ENTREP2: variants seen among roughly 807,000 people sequenced by gnomAD.
ENTREP2 encodes protein ENTREP2.
the ENTREP2 span, among the ~76,000 whole-genome samples, chr15:29,383,407 C>T: frequency 1.3e-5 from 2 of 152,194 alleles, no homozygotes; most frequent in Non-Finnish European, 2.9e-5. Context: ...CCCCCATGTC[C>T]AACCAGGGAG....
At chr15:29,132,189 G>A in the ENTREP2 span, among the ~76,000 whole-genome samples, 2 of 152,192 alleles carry the variant, frequency 1.3e-5, no homozygotes, top group East Asian at 1.9e-4. Context: ...ACCCTGCCTC[G>A]CCCGGGCTGC....
At chr15:29,232,315 A>G in the ENTREP2 span, among the ~76,000 whole-genome samples, 13 of 152,232 alleles carry the variant, frequency 8.5e-5, no homozygotes, top group Admixed American at 8.5e-4. Context: ...AATAAGTACT[A>G]CAGCAATATT....
At chr15:29,303,743 G>A in the ENTREP2 span, among the ~76,000 whole-genome samples, 1 of 151,752 alleles carries the variant, frequency 6.6e-6, no homozygotes, top group Non-Finnish European at 1.5e-5. Flanking sequence ...AGAACATGTG[G>A]TATTTGGTTT....
the ENTREP2 span, among the ~76,000 whole-genome samples, chr15:29,410,691 G>A: frequency 6.6e-6 from 1 of 152,146 alleles, no homozygotes; most frequent in Non-Finnish European, 1.5e-5. Flanking sequence ...GAACATTCAC[G>A]TTCCTAAGAT....
the ENTREP2 span, among the ~76,000 whole-genome samples, chr15:29,292,360 CT>C: frequency 1.4e-5 from 2 of 147,962 alleles, no homozygotes; most frequent in Non-Finnish European, 3.0e-5. Flanking sequence ...TCCTTCCTTC[CT>C]TCCTTCTTTC....
chr15:29,595,661 CTCT>C, the ENTREP2 span, among the ~76,000 whole-genome samples: 1 of 152,084 alleles, frequency 6.6e-6, no homozygotes, highest in Non-Finnish European at 1.5e-5. Flanking sequence ...TCGGGTTTGT[CTCT>C]TCTTCACTGT....
At chr15:29,606,307 T>C in the ENTREP2 span, among the ~76,000 whole-genome samples, 2 of 150,458 alleles carry the variant, frequency 1.3e-5, no homozygotes, top group African/African-American at 4.9e-5. Flanking sequence ...CAATCTCGGC[T>C]CACTGCAACC....
chr15:29,356,110 A>C, the ENTREP2 span, among the ~76,000 whole-genome samples: 6 of 148,636 alleles, frequency 4.0e-5, 1 homozygote, highest in African/African-American at 1.6e-4. Context: ...TATTCTTAAA[A>C]CAAGTGCATC....
the ENTREP2 span, among the ~76,000 whole-genome samples, chr15:29,498,395 T>C: frequency 6.6e-6 from 1 of 152,194 alleles, no homozygotes; most frequent in African/African-American, 2.4e-5. Context: ...GCTCCATTGG[T>C]TGGGAGTATG....
At chr15:29,401,217 A>T in the ENTREP2 span, among the ~76,000 whole-genome samples, 6 of 145,308 alleles carry the variant, frequency 4.1e-5, no homozygotes, top group Admixed American at 7.0e-5. Context: ...ATTTATGGTT[A>T]AAAAAAACCC....
the ENTREP2 span, among the ~76,000 whole-genome samples, chr15:29,654,340 A>G: frequency 6.6e-5 from 10 of 152,220 alleles, no homozygotes; most frequent in Admixed American, 6.5e-4. Flanking sequence ...ATTTTGTGCC[A>G]ATACTACATT....
At chr15:29,119,638 TAA>T in the ENTREP2 span, among the ~76,000 whole-genome samples, 3 of 2,542 alleles carry the variant, frequency 1.2e-3, no homozygotes, top group African/African-American at 1.6e-3. Flanking sequence ...ATAAATAAAA[TAA>T]AATAAAATAA....
chr15:29,430,660 A>C, the ENTREP2 span, among the ~76,000 whole-genome samples: 4 of 136,958 alleles, frequency 2.9e-5, no homozygotes, highest in African/African-American at 1.3e-4. Context: ...AAAAACAAAC[A>C]AACAAACAAA....
chr15:29,500,686 C>G, the ENTREP2 span, among the ~76,000 whole-genome samples: 1 of 151,836 alleles, frequency 6.6e-6, no homozygotes, highest in East Asian at 1.9e-4. Context: ...ATAATCTAAC[C>G]TTCCACCATA....
chr15:29,160,228 C>T, the ENTREP2 span, among the ~76,000 whole-genome samples: 1 of 152,230 alleles, frequency 6.6e-6, no homozygotes, highest in South Asian at 2.1e-4. Context: ...GCAAGTACCA[C>T]GCGCAGCCCC....
At chr15:29,394,591 T>C in the ENTREP2 span, among the ~76,000 whole-genome samples, 1 of 152,200 alleles carries the variant, frequency 6.6e-6, no homozygotes, top group Non-Finnish European at 1.5e-5. Flanking sequence ...ACATAAAATT[T>C]ACCATTTAAC....
chr15:29,488,108 A>AAGT, the ENTREP2 span, among the ~76,000 whole-genome samples: 1 of 139,860 alleles, frequency 7.2e-6, no homozygotes, highest in Admixed American at 6.7e-5. Context: ...TGGACTTACT[A>AAGT]AAGACTTTAA....
chr15:29,233,759 T>C, the ENTREP2 span: 1 of 1,518,062 alleles, frequency 6.6e-7, no homozygotes, highest in East Asian at 2.3e-5. Flanking sequence ...AGAAGGTGAA[T>C]CAGTCTGATG....
chr15:29,518,205 C>A, the ENTREP2 span, among the ~76,000 whole-genome samples: 1 of 150,532 alleles, frequency 6.6e-6, no homozygotes, highest in South Asian at 2.1e-4. Context: ...AGTCTCAAAA[C>A]AAAACAAAAC....
Sources: allele counts gnomAD v4.1 joint callset (sites outside exome capture counted in the v4.1 genomes callset), GRCh38; gene constraint gnomAD v4.1.1; transcripts MANE v1.5; gene names NCBI Gene and HGNC (gene_info 2026-07-23, HGNC 2026-07-21).